The following ELP4 variants were observed in gnomAD, a reference collection of about 807,000 sequenced individuals.
ELP4 encodes elongator acetyltransferase complex subunit 4, also known as elongator complex protein 4.
Under a neutral mutation model 48.9 loss-of-function variants are expected in ELP4, and 51 were observed. The ratio of observed to expected loss-of-function variants is 1.04; its 90% CI spans 0.83 to 1.32. The LOEUF (loss-of-function observed/expected upper bound fraction) is 1.32, where lower values mean the gene tolerates loss of function less well. Among genes scored for constraint, ELP4 ranks in the 40% most tolerant of loss-of-function variants. The probability of loss-of-function intolerance (pLI) is 0.00; values close to 1 mark genes in which losing one functional copy is unlikely to be tolerated. For synonymous variants in ELP4, 210 were observed against 189.2 expected (o/e 1.11, Z -0.90); for missense variants, 519 against 514.6 (o/e 1.01, Z -0.08).
chr11:31,698,658 C>T (rs1946460523), intron 9 of ELP4, among the ~76,000 whole-genome samples: 1 of 152,116 alleles, frequency 6.6e-6, no homozygotes, highest in South Asian at 2.1e-4. Context: ...AGTGATCCAC[C>T]CCTCTCAGCC....
At chr11:31,548,845 A>T (rs1311923657) in intron 3 of ELP4, among the ~76,000 whole-genome samples, 2 of 152,250 alleles carry the variant, frequency 1.3e-5, no homozygotes, top group East Asian at 3.9e-4. Context: ...ATCTACAAAT[A>T]TCTGATCTTT....
chr11:31,759,173 T>C (rs1947894202), intron 9 of ELP4, among the ~76,000 whole-genome samples: 1 of 152,204 alleles, frequency 6.6e-6, no homozygotes, highest in African/African-American at 2.4e-5. Flanking sequence ...TTGCTTGGTG[T>C]ACCCACATAA....
intron 9 of ELP4, among the ~76,000 whole-genome samples, chr11:31,771,806 T>C (rs905155807): frequency 1.7e-4 from 26 of 152,286 alleles, no homozygotes; most frequent in East Asian, 5.8e-4. Flanking sequence ...AGTGAAACCC[T>C]GTATCTACTA....
intron 9 of ELP4, among the ~76,000 whole-genome samples, chr11:31,725,756 G>C (rs766186337): frequency 1.5e-4 from 23 of 152,300 alleles, no homozygotes; most frequent in Non-Finnish European, 2.8e-4. Context: ...GTGGTAGTGG[G>C]TATACCTCTT....
intron 9 of ELP4, among the ~76,000 whole-genome samples, chr11:31,729,191 G>A (rs1377343928): frequency 1.3e-5 from 2 of 152,144 alleles, no homozygotes; most frequent in Admixed American, 6.5e-5. Flanking sequence ...AGTTATACGT[G>A]TAGTATATTT....
intron 5 of ELP4, among the ~76,000 whole-genome samples, chr11:31,609,696 T>C (rs148928818): frequency 2.2e-4 from 33 of 152,186 alleles, no homozygotes; most frequent in African/African-American, 7.2e-4. Flanking sequence ...ACAAGACTTT[T>C]AGATTGAAAA....
intron 7 of ELP4, among the ~76,000 whole-genome samples, chr11:31,640,117 G>A (rs929139777): frequency 6.6e-6 from 1 of 151,906 alleles, no homozygotes; most frequent in African/African-American, 2.4e-5. Flanking sequence ...GGAGCCCTGT[G>A]TGTTCAAGCT....
chr11:31,631,866 G>A (rs1236171522), intron 6 of ELP4, among the ~76,000 whole-genome samples: 2 of 151,892 alleles, frequency 1.3e-5, no homozygotes, highest in Non-Finnish European at 1.5e-5. Context: ...ACTGAGAAGG[G>A]GTTTGCAAGC....
intron 4 of ELP4, among the ~76,000 whole-genome samples, chr11:31,601,326 A>G (rs1445047391): frequency 6.6e-6 from 1 of 152,084 alleles, no homozygotes; most frequent in Non-Finnish European, 1.5e-5. Context: ...ATATATTTTT[A>G]TTTTCATTGT....
intron 9 of ELP4, among the ~76,000 whole-genome samples, chr11:31,709,795 A>G (rs926312590): frequency 6.6e-6 from 1 of 152,232 alleles, no homozygotes; most frequent in Non-Finnish European, 1.5e-5. Context: ...AATAATTATC[A>G]TTGTTACTGC....
chr11:31,726,265 G>A (rs1947074063), intron 9 of ELP4, among the ~76,000 whole-genome samples: 2 of 152,154 alleles, frequency 1.3e-5, no homozygotes, highest in East Asian at 1.9e-4. Context: ...CAGTAGAAAG[G>A]CTTTTCAGCA....
At chr11:31,654,946 A>G (rs1311702939) in intron 9 of ELP4, 1 of 151,532 alleles carries the variant, frequency 6.6e-6, no homozygotes, top group Admixed American at 6.6e-5. Context: ...GTAGTCCAAT[A>G]TACTACAAAT....
At chr11:31,594,938 A>G in intron 4 of ELP4, 37 bp downstream of exon 4, 1 of 1,528,534 alleles carries the variant, frequency 6.5e-7, no homozygotes, top group South Asian at 1.3e-5. Context: ...AAATTTGCAA[A>G]TGCATTTGTT....
At chr11:31,517,029 A>G (rs976584371) in intron 1 of ELP4, among the ~76,000 whole-genome samples, 1 of 152,270 alleles carries the variant, frequency 6.6e-6, no homozygotes, top group Non-Finnish European at 1.5e-5. Flanking sequence ...TGTTCTACAT[A>G]TTGTCATGAA....
intron 3 of ELP4, among the ~76,000 whole-genome samples, chr11:31,570,626 C>T (rs1018900001): frequency 3.3e-5 from 5 of 151,662 alleles, no homozygotes; most frequent in African/African-American, 1.2e-4. Context: ...CACCACCACA[C>T]CCAACTAATT....
At position 31,609,095 on chromosome 11, in the gene ELP4, G is replaced by A. The variant is rs975811098; in HGVS notation, c.653+5188G>A. Among the ~76,000 whole-genome samples, 4 of 152,168 alleles carry A rather than the reference G, an allele frequency of 2.6e-5. No individual in the cohort carries two copies. In the East Asian group the frequency reaches 7.7e-4, roughly 29 times the overall value. On this transcript the variant is annotated intron_variant, in intron 5 of 9. Transcript: ENST00000640961. ...CTTCCAGTGACTGCTTCATTGGCAGGCTGGACAAGGAGTTTTTGGTGTCCT... is the reference window on the plus strand; with the variant it reads ...CTTCCAGTGACTGCTTCATTGGCAGACTGGACAAGGAGTTTTTGGTGTCCT...
intron 3 of ELP4, among the ~76,000 whole-genome samples, chr11:31,569,993 A>G (rs1957168616): frequency 6.6e-6 from 1 of 152,232 alleles, no homozygotes; most frequent in African/African-American, 2.4e-5. Flanking sequence ...CATCCAACCC[A>G]GCAATTCCAT....
At position 31,776,543 on chromosome 11, in the gene ELP4, C is replaced by T. The variant is rs1948251850; in HGVS notation, c.1144-6850C>T. 2.0e-5 allele frequency among the ~76,000 whole-genome samples: 3 copies of T among 152,198 alleles called. 1 individual carries two copies. In the East Asian group the frequency reaches 5.8e-4, roughly 29 times the overall value. ...TTTGGGAGTAAACTGGCAATCTTTG[C>T]CACAGACACATGCCTTTTCACAAAT... On this transcript the variant is annotated intron_variant, in intron 9 of 9. Coordinates refer to ENST00000640961, the MANE Select transcript of ELP4 (RefSeq NM_019040.5).
intron 7 of ELP4, among the ~76,000 whole-genome samples, chr11:31,640,293 A>G (rs1239808001): frequency 2.0e-5 from 3 of 151,950 alleles, no homozygotes; most frequent in African/African-American, 7.2e-5. Context: ...TGGCATTGTA[A>G]GATATCTGAA....
Sources: allele counts gnomAD v4.1 joint callset (sites outside exome capture counted in the v4.1 genomes callset), GRCh38; gene constraint gnomAD v4.1.1; transcripts MANE v1.5; gene names NCBI Gene and HGNC (gene_info 2026-07-23, HGNC 2026-07-21).